TNR: variants seen among roughly 807,000 people sequenced by gnomAD.
TNR encodes tenascin-R.
In TNR, 45 loss-of-function variants were observed where a neutral mutation model predicts 150.4. That is an observed-to-expected ratio of 0.30 (90% confidence interval 0.24 to 0.38). The LOEUF (loss-of-function observed/expected upper bound fraction) is 0.38. Ranked by LOEUF, TNR falls within the 10% of genes least tolerant of loss-of-function variation. The probability of loss-of-function intolerance (pLI) is 1.00; values close to 1 mark genes in which losing one functional copy is unlikely to be tolerated. For synonymous variants in TNR, 687 were observed against 678.4 expected, an observed-to-expected ratio of 1.01 and a Z score of -0.20; for missense variants, 1,544 against 1,759.1, an observed-to-expected ratio of 0.88 and a Z score of 2.19.
chr1:175,617,232 A>T (rs1663808138), intron 1 of TNR, among the ~76,000 whole-genome samples: 2 of 152,192 alleles, frequency 1.3e-5, no homozygotes, highest in South Asian at 4.1e-4. Context: ...TGATCATTAC[A>T]CAAAAATATC....
chr1:175,391,321 G>A lies in TNR; in HGVS notation c.1474C>T (p.Arg492Cys), dbSNP rs1458099040. 8 of 1,613,952 alleles carry A rather than the reference G, an allele frequency of 5.0e-6. No homozygotes were observed. Among genetic ancestry groups the A allele is most frequent in the African/African-American group, 1.3e-5 (1 of 74,908 alleles). ...VNVVALKEQA[R>C]SPPTSASVST... ...ACGCTGGCCGAGGTAGGGGGGCTGC[G>A]GGCCTGTTCTTTCAGAGCCACCACA... The change falls in exon 7 of 23, where the codon CGC becomes TGC. Residue 492 changes from arginine to cysteine, a missense_variant. Physicochemically the swap from Arg to Cys is radical, Grantham distance 180. This residue lies in a region of TNR where 1,254 missense variants were observed against 1,329.4 expected (regional missense o/e 0.94). Coordinates refer to ENST00000367674, the MANE Select transcript of TNR (RefSeq NM_003285.3).
At chr1:175,379,406 A>G in intron 9 of TNR, 146 bp downstream of exon 9, 1 of 601,568 alleles carries the variant, frequency 1.7e-6, no homozygotes, top group South Asian at 3.0e-5. Flanking sequence ...AGTACAATGG[A>G]TAGTACTAGA....
At chr1:175,604,380 A>C (rs1663348135) in intron 1 of TNR, among the ~76,000 whole-genome samples, 1 of 152,186 alleles carries the variant, frequency 6.6e-6, no homozygotes, top group Non-Finnish European at 1.5e-5. Flanking sequence ...GTTACATCAA[A>C]GACCTCAAAA....
intron 1 of TNR, among the ~76,000 whole-genome samples, chr1:175,565,990 G>C (rs1661627403): frequency 6.6e-6 from 1 of 152,114 alleles, no homozygotes; most frequent in African/African-American, 2.4e-5. Context: ...ATCTTGAAAA[G>C]GCTTTCAAAA....
intron 1 of TNR, among the ~76,000 whole-genome samples, chr1:175,596,914 C>T (rs1265911515): frequency 6.6e-6 from 1 of 152,214 alleles, no homozygotes; most frequent in Non-Finnish European, 1.5e-5. Flanking sequence ...TTTCCCAAAA[C>T]ATTTCACCTC....
intron 1 of TNR, among the ~76,000 whole-genome samples, chr1:175,720,846 G>T (rs992042425): frequency 6.6e-6 from 1 of 152,154 alleles, no homozygotes; most frequent in Non-Finnish European, 1.5e-5. Context: ...CTTTTATGCT[G>T]GTTTAAATAA....
chr1:175,421,489 G>T (rs1654754982), intron 2 of TNR, among the ~76,000 whole-genome samples: 1 of 152,132 alleles, frequency 6.6e-6, no homozygotes, highest in African/African-American at 2.4e-5. Context: ...GAATGGTTTT[G>T]ATTATTTTCC....
intron 1 of TNR, among the ~76,000 whole-genome samples, chr1:175,543,683 T>TA (rs777990209): frequency 1.3e-5 from 2 of 152,142 alleles, no homozygotes; most frequent in Admixed American, 1.3e-4. Context: ...ACTCGTAATT[T>TA]ATATAAGAAG....
chr1:175,418,184 G>A (rs968066179), intron 2 of TNR, among the ~76,000 whole-genome samples: 1 of 152,142 alleles, frequency 6.6e-6, no homozygotes, highest in African/African-American at 2.4e-5. Context: ...CATTCTAGAT[G>A]TTGAGGTCAG....
intron 1 of TNR, among the ~76,000 whole-genome samples, chr1:175,714,772 C>A (rs1371591891): frequency 6.6e-6 from 1 of 152,190 alleles, no homozygotes; most frequent in Non-Finnish European, 1.5e-5. Context: ...AGCCAATAAG[C>A]AGAGACCGCC....
chr1:175,510,958 A>G (rs1659146394), intron 2 of TNR, among the ~76,000 whole-genome samples: 1 of 152,220 alleles, frequency 6.6e-6, no homozygotes, highest in African/African-American at 2.4e-5. Flanking sequence ...TACTGAAAGG[A>G]ATTAGCTGCT....
Position 175,354,475 on chromosome 1 carries a change from A to G in TNR, c.3298T>C (p.Leu1100=), listed in dbSNP as rs529174069. The change falls in exon 18 of 23, where the codon TTG becomes CTG. Residue 1100 remains leucine, a synonymous_variant. Coordinates refer to ENST00000367674, the MANE Select transcript of TNR (RefSeq NM_003285.3). ...EDTWIRLEGL[L]ENTDYTVLLQ... is the part of the protein sequence containing the mutation. ...AGCACCGTGTAGTCTGTGTTCTCCAACAGGCCCTCCAGTCGAATCCAGGTG... is the reference window on the plus strand; with the variant it reads ...AGCACCGTGTAGTCTGTGTTCTCCAGCAGGCCCTCCAGTCGAATCCAGGTG... The G allele has an allele frequency of 3.7e-6, 6 of 1,614,102 alleles. No individual in the cohort carries two copies. Among genetic ancestry groups the G allele is most frequent in the Middle Eastern group, 1.6e-4 (1 of 6,062 alleles).
intron 2 of TNR, among the ~76,000 whole-genome samples, chr1:175,437,307 T>A (rs1326000376): frequency 1.3e-5 from 2 of 152,140 alleles, no homozygotes; most frequent in Non-Finnish European, 2.9e-5. Context: ...AAGGCAGAAA[T>A]AAAGATGTTC....
intron 1 of TNR, among the ~76,000 whole-genome samples, chr1:175,631,016 C>T (rs1353811431): frequency 6.6e-6 from 1 of 152,156 alleles, no homozygotes; most frequent in Non-Finnish European, 1.5e-5. Flanking sequence ...ACTGGTACTA[C>T]CCAGGACTGG....
chr1:175,557,498 C>T (rs1229248753), intron 1 of TNR, among the ~76,000 whole-genome samples: 3 of 152,176 alleles, frequency 2.0e-5, no homozygotes, highest in Non-Finnish European at 4.4e-5. Flanking sequence ...TCCCTCTCCC[C>T]AGCACCTTGG....
chr1:175,673,188 G>A (rs528935210), intron 1 of TNR, among the ~76,000 whole-genome samples: 5 of 152,328 alleles, frequency 3.3e-5, no homozygotes, highest in African/African-American at 1.2e-4. Context: ...GGGAAAGGCA[G>A]AATGGGACGT....
Position 175,335,768 on chromosome 1 carries a change from G to C in TNR, c.3574C>G (p.Arg1192Gly). 6.2e-7 allele frequency: 1 copy of C among 1,613,858 alleles called. No homozygotes were observed. The highest frequency in any genetic ancestry group is 8.5e-7 in the Non-Finnish European group (1 of 1,179,954). The change falls in exon 20 of 23, where the codon CGG becomes GGG. Residue 1192 changes from arginine to glycine, a missense_variant. Coordinates refer to ENST00000367674, the MANE Select transcript of TNR (RefSeq NM_003285.3). ...RRQNGQTDFFRKWADYRVGFG... is the reference protein window; with the variant it reads ...RRQNGQTDFFGKWADYRVGFG... ...CCAACACGGTAATCAGCCCATTTCC[G>C]GAAAAAATCAGTTTGGCCATTCTGC... is the stretch of plus-strand genomic sequence containing the variant.
At chr1:175,563,819 C>T (rs148875431) in intron 1 of TNR, among the ~76,000 whole-genome samples, 1 of 152,302 alleles carries the variant, frequency 6.6e-6, no homozygotes, top group East Asian at 1.9e-4. Context: ...CAACTGTGAA[C>T]AATTGGGTCC....
chr1:175,552,348 C>T (rs1482019374), intron 1 of TNR, among the ~76,000 whole-genome samples: 1 of 152,218 alleles, frequency 6.6e-6, no homozygotes, highest in Admixed American at 6.5e-5. Context: ...TGCTAACCCC[C>T]ACAATGCTCT....
Sources: gnomAD v4.1 joint callset for allele counts (sites outside exome capture counted in the v4.1 genomes callset) on GRCh38, gnomAD v4.1.1 for gene constraint, gnomAD v4.1.1 regional missense constraint, MANE v1.5 for transcripts, NCBI Gene and HGNC (gene_info 2026-07-23, HGNC 2026-07-21) for gene names.